Variants in MYRIP observed in about 807,000 individuals in gnomAD.
The protein encoded by MYRIP is rab effector MyRIP.
MYRIP carries 49 observed loss-of-function variants against 98.0 expected under a neutral mutation model. The ratio of observed to expected loss-of-function variants is 0.50; its 90% CI spans 0.40 to 0.63. The LOEUF is 0.63. MYRIP is among the 30% of genes least tolerant of loss of function. The pLI, the probability that MYRIP is intolerant of heterozygous loss-of-function variation, is 0.00. For synonymous variants in MYRIP, 404 were observed against 409.5 expected (o/e 0.99, Z 0.16); for missense variants, 1,004 against 1,058.2 (o/e 0.95, Z 0.71).
chr3:39,904,417 G>A (rs989475031), intron 2 of MYRIP, among the ~76,000 whole-genome samples: 1 of 152,072 alleles, frequency 6.6e-6, no homozygotes, highest in African/African-American at 2.4e-5. Context: ...TTGTATGTTA[G>A]TAGAGATGAG....
Position 39,850,974 on chromosome 3 carries a change from A to T in MYRIP, c.-31+41058A>T, listed in dbSNP as rs73826798. Among the ~76,000 whole-genome samples the T allele has an allele frequency of 1.5e-3, 223 of 152,250 alleles. 2 individuals are homozygous for T. Among genetic ancestry groups the T allele is most frequent in the African/African-American group, 5.2e-3 (215 of 41,532 alleles). ...CCCGAAGAATGTGAAGCAGACAGAGAAAAAAACCCAAAAGGCAGGAGAGAC... is the reference window on the plus strand; with the variant it reads ...CCCGAAGAATGTGAAGCAGACAGAGTAAAAAACCCAAAAGGCAGGAGAGAC... On this transcript the variant is annotated intron_variant, in intron 1 of 16. Transcript: ENST00000302541.
intron 2 of MYRIP, among the ~76,000 whole-genome samples, chr3:39,971,256 G>C (rs1945573418): frequency 6.6e-6 from 1 of 151,978 alleles, no homozygotes; most frequent in Non-Finnish European, 1.5e-5. Flanking sequence ...AAAGGGAGAT[G>C]AGATATATTA....
intron 1 of MYRIP, among the ~76,000 whole-genome samples, chr3:39,876,917 G>T (rs1462389675): frequency 6.6e-6 from 1 of 152,148 alleles, no homozygotes; most frequent in Non-Finnish European, 1.5e-5. Context: ...AGTTCTCCTG[G>T]ATAATATCCT....
chr3:40,008,097 A>C (rs1946674393), intron 2 of MYRIP, among the ~76,000 whole-genome samples: 1 of 152,238 alleles, frequency 6.6e-6, no homozygotes, highest in African/African-American at 2.4e-5. Context: ...TGGCCCTCCC[A>C]GTTCCTCTGG....
chr3:40,020,009 G>C (rs1221092397), intron 2 of MYRIP, among the ~76,000 whole-genome samples: 1 of 152,110 alleles, frequency 6.6e-6, no homozygotes, highest in East Asian at 1.9e-4. Context: ...TTTTATTTTA[G>C]ATTCATGGGA....
At chr3:40,142,047 A>ATTTT (rs768094065) in intron 3 of MYRIP, among the ~76,000 whole-genome samples, 40 of 95,950 alleles carry the variant, frequency 4.2e-4, no homozygotes, top group South Asian at 1.7e-3. Context: ...TATGCTGTTG[A>ATTTT]TTTTTTTTTT....
chr3:40,158,589 A>T, intron 4 of MYRIP, among the ~76,000 whole-genome samples: 1 of 152,278 alleles, frequency 6.6e-6, no homozygotes, highest in African/African-American at 2.4e-5. Context: ...TAATGTTGAC[A>T]GTGGGGTGTT....
At chr3:39,959,962 A>G (rs987755535) in intron 2 of MYRIP, among the ~76,000 whole-genome samples, 1 of 151,946 alleles carries the variant, frequency 6.6e-6, no homozygotes, top group African/African-American at 2.4e-5. Context: ...TGAGGTACAA[A>G]ACAGGTAGGA....
intron 3 of MYRIP, among the ~76,000 whole-genome samples, chr3:40,137,193 A>C (rs1036509325): frequency 9.2e-5 from 14 of 152,244 alleles, no homozygotes; most frequent in Admixed American, 9.2e-4. Context: ...AGAAAATGAC[A>C]AAGGGGATAT....
chr3:40,019,787 C>T (rs572141881), intron 2 of MYRIP, among the ~76,000 whole-genome samples: 1 of 147,820 alleles, frequency 6.8e-6, no homozygotes, highest in African/African-American at 2.5e-5. Flanking sequence ...ACCATTAGCA[C>T]AATACCATTA....
chr3:39,950,097 C>A (rs1198755174), intron 2 of MYRIP, among the ~76,000 whole-genome samples: 1 of 152,054 alleles, frequency 6.6e-6, no homozygotes, highest in East Asian at 1.9e-4. Context: ...TAGATCTCTG[C>A]CATTTAATTT....
chr3:40,063,638 A>G (rs1266038575), intron 3 of MYRIP, among the ~76,000 whole-genome samples: 1 of 152,158 alleles, frequency 6.6e-6, no homozygotes, highest in Non-Finnish European at 1.5e-5. Flanking sequence ...TTTCTTCTTG[A>G]AGCATATTTG....
intron 4 of MYRIP, 148 bp from the exon 5 acceptor site, chr3:40,162,582 G>T: frequency 1.6e-6 from 1 of 613,348 alleles, no homozygotes; most frequent in Non-Finnish European, 2.9e-6. Flanking sequence ...CATTATTGTG[G>T]GACCTCATGA....
At chr3:40,192,101 G>A (rs62261819) in intron 10 of MYRIP, among the ~76,000 whole-genome samples, 2 of 145,146 alleles carry the variant, frequency 1.4e-5, no homozygotes, top group African/African-American at 5.5e-5. Flanking sequence ...AAACCCTGAT[G>A]GGTTTTTTTT....
intron 3 of MYRIP, among the ~76,000 whole-genome samples, chr3:40,105,306 G>A (rs900727409): frequency 1.3e-5 from 2 of 152,166 alleles, no homozygotes; most frequent in Non-Finnish European, 2.9e-5. Context: ...TTTAAGTTGT[G>A]AAATATGTCC....
intron 12 of MYRIP, among the ~76,000 whole-genome samples, chr3:40,240,821 C>G (rs1320531383): frequency 3.3e-5 from 5 of 152,046 alleles, no homozygotes; most frequent in African/African-American, 1.2e-4. Context: ...CTCCACTGTA[C>G]CTATTGGGGT....
intron 10 of MYRIP, among the ~76,000 whole-genome samples, chr3:40,201,235 A>G (rs867920395): frequency 1.2e-4 from 18 of 152,338 alleles, no homozygotes; most frequent in Middle Eastern, 6.8e-3. Context: ...CAGATATTCT[A>G]TATGGAATTG....
Position 40,052,822 on chromosome 3 carries a change from A to G in MYRIP, c.332+8551A>G, listed in dbSNP as rs1575498037. On this transcript the variant is annotated intron_variant, in intron 3 of 16. Transcript: ENST00000302541. Reference sequence around the variant, plus strand: ...GACACATTCAACGTGACACAATATGATAAATCCTTTAAAATAATGTACATG... The same window carrying G: ...GACACATTCAACGTGACACAATATGGTAAATCCTTTAAAATAATGTACATG... 3.9e-5 allele frequency among the ~76,000 whole-genome samples: 6 copies of G among 152,328 alleles called. No homozygotes were observed. In the East Asian group the frequency reaches 1.2e-3, roughly 29 times the overall value.
intron 9 of MYRIP, among the ~76,000 whole-genome samples, chr3:40,184,250 T>C (rs17076603): frequency 0.069 from 10,507 of 152,218 alleles, 1,169 homozygotes; most frequent in African/African-American, 0.24. Context: ...ACACAGAAAA[T>C]GGACTGTTAG....
Sources: allele counts gnomAD v4.1 joint callset (sites outside exome capture counted in the v4.1 genomes callset), GRCh38; gene constraint gnomAD v4.1.1; transcripts MANE v1.5; gene names NCBI Gene and HGNC (gene_info 2026-07-23, HGNC 2026-07-21).